The following DISC1 variants were observed in gnomAD, a reference collection of about 807,000 sequenced individuals.
The protein encoded by DISC1 is disrupted in schizophrenia 1 protein.
DISC1 carries 57 observed loss-of-function variants against 84.5 expected under a neutral mutation model. The ratio of observed to expected loss-of-function variants is 0.67; its 90% CI spans 0.55 to 0.84. The LOEUF (loss-of-function observed/expected upper bound fraction) is 0.84, where lower values mean the gene tolerates loss of function less well. Among genes scored for constraint, DISC1 ranks in the 40% least tolerant of loss-of-function variants. The pLI is 0.00. For missense variants in DISC1, 1,000 were observed against 1,057.8 expected (o/e 0.95, Z 0.76); for synonymous variants, 411 against 415.2 (o/e 0.99, Z 0.12).
intron 1 of DISC1, among the ~76,000 whole-genome samples, chr1:231,638,377 T>C (rs1471427704): frequency 1.3e-5 from 2 of 152,226 alleles, no homozygotes; most frequent in East Asian, 3.8e-4. Context: ...TGTTGTTGCC[T>C]GTGCTTTTGA....
rs1042811875 is a variant in DISC1 at position 232,001,321 on chromosome 1, C to T, written c.2043-7464C>T. Reference sequence around the variant, plus strand: ...CTCCAACTCCTGACCTCAGGTGATCCACCTGCCTCACCCTCCCAAAGTGCT... The same window carrying T: ...CTCCAACTCCTGACCTCAGGTGATCTACCTGCCTCACCCTCCCAAAGTGCT... On this transcript the variant is annotated intron_variant, in intron 10 of 12. Coordinates refer to ENST00000439617, the MANE Select transcript of DISC1 (RefSeq NM_018662.3). 7.2e-5 allele frequency among the ~76,000 whole-genome samples: 11 copies of T among 152,056 alleles called. No individual in the cohort carries two copies. In the East Asian group the frequency reaches 2.1e-3, roughly 29 times the overall value.
At chr1:231,670,835 A>G (rs2062548749) in intron 1 of DISC1, 1 of 152,110 alleles carries the variant, frequency 6.6e-6, no homozygotes, top group African/African-American at 2.4e-5. Flanking sequence ...GCTTGTTGGG[A>G]TTTCACCATC....
chr1:231,802,416 T>C (rs2079347122), intron 8 of DISC1, among the ~76,000 whole-genome samples: 1 of 152,138 alleles, frequency 6.6e-6, no homozygotes, highest in Non-Finnish European at 1.5e-5. Flanking sequence ...GATTGTAAGT[T>C]TCTTGAGGCC....
chr1:231,710,469 T>A (rs951625563), intron 3 of DISC1, among the ~76,000 whole-genome samples: 1 of 152,258 alleles, frequency 6.6e-6, no homozygotes, highest in Non-Finnish European at 1.5e-5. Flanking sequence ...GTCCAAACTA[T>A]GCATTTGGTG....
chr1:231,928,451 C>CT (rs1050805964), intron 9 of DISC1, among the ~76,000 whole-genome samples: 1 of 152,148 alleles, frequency 6.6e-6, no homozygotes, highest in Non-Finnish European at 1.5e-5. Context: ...CTCTTTTCTT[C>CT]TTTATTAGTC....
intron 6 of DISC1, among the ~76,000 whole-genome samples, chr1:231,784,775 G>A (rs1299339190): frequency 2.0e-5 from 3 of 152,184 alleles, no homozygotes; most frequent in Non-Finnish European, 4.4e-5. Flanking sequence ...GAACTGGAAA[G>A]AGATAATGTG....
In DISC1 at chr1:231,862,845, G is replaced by A. The variant is rs972823599; in HGVS notation, c.1981+44328G>A. ...GCAGCTGCTGTTTGCTGGAGATTTC[G>A]TGTGTCAGGCACAGTTGGGAATACT... On this transcript the variant is annotated intron_variant, in intron 9 of 12. Coordinates refer to ENST00000439617, the MANE Select transcript of DISC1 (RefSeq NM_018662.3). 1.6e-4 allele frequency among the ~76,000 whole-genome samples: 24 copies of A among 152,316 alleles called. No individual in the cohort carries two copies. The South Asian group carries it at 2.5e-3, about 16-fold the overall frequency.
intron 9 of DISC1, among the ~76,000 whole-genome samples, chr1:231,885,743 T>C (rs2086633960): frequency 6.6e-6 from 1 of 152,190 alleles, no homozygotes; most frequent in Admixed American, 6.5e-5. Flanking sequence ...TAATAGTGTC[T>C]ATGGTGGCAG....
At chr1:231,668,025 C>T (rs1249142563) in intron 1 of DISC1, among the ~76,000 whole-genome samples, 1 of 149,514 alleles carries the variant, frequency 6.7e-6, no homozygotes, top group Non-Finnish European at 1.5e-5. Flanking sequence ...TATTGCACTC[C>T]AGCCTGGGTG....
chr1:231,998,509 G>T (rs915626324), intron 10 of DISC1, among the ~76,000 whole-genome samples: 1 of 151,964 alleles, frequency 6.6e-6, no homozygotes, highest in Non-Finnish European at 1.5e-5. Flanking sequence ...CTAAGAGCAG[G>T]TCAATTATTA....
chr1:231,937,977 G>T (rs952325851), intron 9 of DISC1, among the ~76,000 whole-genome samples: 6 of 151,982 alleles, frequency 3.9e-5, no homozygotes, highest in African/African-American at 1.5e-4. Context: ...TCCTCCCGGG[G>T]GTTCTTGGCT....
chr1:231,673,223 C>T (rs73115110), intron 1 of DISC1, among the ~76,000 whole-genome samples: 62 of 152,330 alleles, frequency 4.1e-4, no homozygotes, highest in African/African-American at 1.4e-3. Context: ...ATTACTTCCT[C>T]CAACATATCT....
chr1:231,678,240 G>A (rs1437004475), intron 1 of DISC1, among the ~76,000 whole-genome samples: 2 of 152,186 alleles, frequency 1.3e-5, no homozygotes, highest in Non-Finnish European at 2.9e-5. Context: ...GAGGGGGATG[G>A]TCAGTATGGA....
chr1:231,889,191 C>T (rs2087016708), intron 9 of DISC1, among the ~76,000 whole-genome samples: 1 of 152,118 alleles, frequency 6.6e-6, no homozygotes, highest in Admixed American at 6.5e-5. Flanking sequence ...TCTGGGTCTG[C>T]CTCTAGATGG....
intron 9 of DISC1, among the ~76,000 whole-genome samples, chr1:231,942,868 T>C (rs4658966): frequency 0.19 from 29,463 of 152,108 alleles, 3,701 homozygotes; most frequent in East Asian, 0.69. Flanking sequence ...CTGGGAGCCT[T>C]ATAACACAGA....
chr1:231,640,245 T>A (rs1186341674), intron 1 of DISC1, among the ~76,000 whole-genome samples: 1 of 152,202 alleles, frequency 6.6e-6, no homozygotes, highest in Non-Finnish European at 1.5e-5. Context: ...CAGTTACTAT[T>A]GTACTGCCTC....
chr1:231,743,013 AAT>A (rs1428735165), intron 3 of DISC1, among the ~76,000 whole-genome samples: 2 of 152,176 alleles, frequency 1.3e-5, no homozygotes, highest in African/African-American at 2.4e-5. Context: ...CTTTCTTTGG[AAT>A]TCACTGTGAG....
At chr1:231,744,241 G>A (rs1382310594) in intron 3 of DISC1, among the ~76,000 whole-genome samples, 2 of 152,264 alleles carry the variant, frequency 1.3e-5, no homozygotes, top group East Asian at 3.9e-4. Flanking sequence ...CATGGCCCGA[G>A]GTGATGGCTT....
At chr1:231,957,661 A>T (rs868326355) in intron 9 of DISC1, among the ~76,000 whole-genome samples, 70 of 152,344 alleles carry the variant, frequency 4.6e-4, no homozygotes, top group African/African-American at 1.7e-3. Flanking sequence ...ATAAGTCAAT[A>T]AAAAAAGATA....
Sources: allele counts gnomAD v4.1 joint callset (sites outside exome capture counted in the v4.1 genomes callset), GRCh38; gene constraint gnomAD v4.1.1; transcripts MANE v1.5; gene names NCBI Gene and HGNC (gene_info 2026-07-23, HGNC 2026-07-21).